The following ZSCAN25 variants were observed in gnomAD, a reference collection of about 807,000 sequenced individuals.
ZSCAN25 encodes zinc finger and SCAN domain containing 25, also known as zinc finger and SCAN domain-containing protein 25.
ZSCAN25 carries 27 observed loss-of-function variants against 38.7 expected under a neutral mutation model. That is an observed-to-expected ratio of 0.70 (90% CI 0.51 to 0.96). The LOEUF (loss-of-function observed/expected upper bound fraction) is 0.96. Among genes scored for constraint, ZSCAN25 ranks in the 40% least tolerant of loss-of-function variants. The pLI, the probability that ZSCAN25 is intolerant of heterozygous loss-of-function variation, is 0.00. For missense variants in ZSCAN25, 637 were observed against 705.9 expected, an observed-to-expected ratio of 0.90 and a Z score of 1.11; for synonymous variants, 273 against 277.7, an observed-to-expected ratio of 0.98 and a Z score of 0.17.
chr7:99,700,027 A>T, the ZSCAN25 span: 8 of 1,609,370 alleles, frequency 5.0e-6, no homozygotes, highest in East Asian at 4.5e-5. Flanking sequence ...ATTTGGGATG[A>T]GGTCCATCGC....
chr7:99,677,663 G>A, the ZSCAN25 span, among the ~76,000 whole-genome samples: 1 of 152,242 alleles, frequency 6.6e-6, no homozygotes, highest in African/African-American at 2.4e-5. Context: ...GGGGCAGCAT[G>A]AGCAGGCCCA....
Position 99,629,779 on chromosome 7 carries a change from A to G in ZSCAN25, c.1394A>G (p.Lys465Arg). Reference protein sequence around the residue: ...GEKPYTCECGKSFSRNANLAV... With the variant: ...GEKPYTCECGRSFSRNANLAV... ...AAGCCCTACACCTGCGAGTGTGGCA[A>G]GAGCTTCAGCAGGAATGCCAATCTG... The change falls in exon 8 of 8, where the codon AAG (lysine) becomes AGG (arginine). Residue 465 changes from lysine to arginine, a missense_variant. By Grantham distance (26) the Lys-to-Arg change is conservative. Transcript: ENST00000394152. The surrounding 1 kb of genome is among the most constrained non-coding windows in gnomAD (Gnocchi z 5.6). 6.2e-7 allele frequency: 1 copy of G among 1,614,238 alleles called. No individual in the cohort carries two copies. The highest frequency in any genetic ancestry group is 8.5e-7 in the Non-Finnish European group (1 of 1,180,036).
chr7:99,628,804 T>C (rs1040642829), intron 7 of ZSCAN25, among the ~76,000 whole-genome samples: 1 of 152,136 alleles, frequency 6.6e-6, no homozygotes, highest in African/African-American at 2.4e-5. Context: ...TCTGGATGAA[T>C]GGAAACAGCA....
At chr7:99,674,588 G>A in the ZSCAN25 span, 1 of 1,612,324 alleles carries the variant, frequency 6.2e-7, no homozygotes, top group East Asian at 2.2e-5. Flanking sequence ...CAGAGACCCT[G>A]GGAGAGGAAA....
the ZSCAN25 span, among the ~76,000 whole-genome samples, chr7:99,734,177 T>C: frequency 3.3e-5 from 5 of 152,344 alleles, no homozygotes; most frequent in Admixed American, 3.3e-4. Flanking sequence ...ATTGCTAACT[T>C]TTCTGTGAAA....
the ZSCAN25 span, among the ~76,000 whole-genome samples, chr7:99,727,614 A>G: frequency 6.6e-6 from 1 of 152,134 alleles, no homozygotes; most frequent in African/African-American, 2.4e-5. Context: ...CCTGAATCAC[A>G]GTTAGTTTAT....
chr7:99,700,875 AG>A, the ZSCAN25 span, among the ~76,000 whole-genome samples: 3 of 152,350 alleles, frequency 2.0e-5, no homozygotes, highest in East Asian at 5.8e-4. Flanking sequence ...AGATGCAGCC[AG>A]CACTGTTTCC....
the ZSCAN25 span, among the ~76,000 whole-genome samples, chr7:99,642,592 A>G: frequency 2.0e-5 from 3 of 152,356 alleles, no homozygotes; most frequent in East Asian, 5.8e-4. Context: ...GTTTTTAGCC[A>G]CTAAGTATGA....
the ZSCAN25 span, among the ~76,000 whole-genome samples, chr7:99,677,907 T>C: frequency 6.6e-6 from 1 of 152,322 alleles, no homozygotes; most frequent in South Asian, 2.1e-4. Flanking sequence ...AGGAAAGATC[T>C]TGGTGAGTGT....
At chr7:99,721,144 CA>C in the ZSCAN25 span, among the ~76,000 whole-genome samples, 1 of 152,216 alleles carries the variant, frequency 6.6e-6, no homozygotes, top group African/African-American at 2.4e-5. Flanking sequence ...CACAGTCCAT[CA>C]GCCCACCAGG....
At chr7:99,650,447 G>A in the ZSCAN25 span, among the ~76,000 whole-genome samples, 7 of 152,070 alleles carry the variant, frequency 4.6e-5, no homozygotes, top group South Asian at 2.1e-4. Context: ...CTATAGGAGC[G>A]TTTCTTGAGA....
chr7:99,714,774 A>G, the ZSCAN25 span: 1 of 1,562,088 alleles, frequency 6.4e-7, no homozygotes, highest in East Asian at 2.3e-5. Flanking sequence ...CAATCAGAAG[A>G]GTGAAATACA....
chr7:99,687,351 A>G, the ZSCAN25 span, among the ~76,000 whole-genome samples: 3 of 152,230 alleles, frequency 2.0e-5, no homozygotes, highest in African/African-American at 7.2e-5. Context: ...CTGAAGGCCA[A>G]GGATTGAGAA....
At chr7:99,737,863 T>C in the ZSCAN25 span, among the ~76,000 whole-genome samples, 5 of 152,240 alleles carry the variant, frequency 3.3e-5, no homozygotes, top group Non-Finnish European at 5.9e-5. Flanking sequence ...ATTGAAGGCA[T>C]GTTCTGCCAC....
At chr7:99,735,012 C>T in the ZSCAN25 span, 3 of 1,614,076 alleles carry the variant, frequency 1.9e-6, no homozygotes, top group African/African-American at 2.7e-5. Context: ...GGAGCCTGAA[C>T]AGTTACTCAC....
At chr7:99,737,426 C>CCATCT in the ZSCAN25 span, among the ~76,000 whole-genome samples, 1 of 152,086 alleles carries the variant, frequency 6.6e-6, no homozygotes, top group Non-Finnish European at 1.5e-5. Context: ...ACAAAGGACT[C>CCATCT]CATCTCAGCA....
chr7:99,711,111 C>T, the ZSCAN25 span, among the ~76,000 whole-genome samples: 25 of 152,294 alleles, frequency 1.6e-4, no homozygotes, highest in South Asian at 3.3e-3. Context: ...TCTTCAAGAA[C>T]GTAGACCATC....
the ZSCAN25 span, chr7:99,663,278 G>C: frequency 1.0e-6 from 1 of 1,002,646 alleles, no homozygotes; most frequent in Non-Finnish European, 1.2e-6. Flanking sequence ...TTAATCTCCT[G>C]ACATTTCCAG....
the ZSCAN25 span, among the ~76,000 whole-genome samples, chr7:99,677,657 C>A: frequency 1.3e-5 from 2 of 152,194 alleles, no homozygotes; most frequent in Non-Finnish European, 2.9e-5. Flanking sequence ...TCAGCAGGGG[C>A]AGCATGAGCA....
Sources: gnomAD v4.1 joint callset for allele counts (sites outside exome capture counted in the v4.1 genomes callset) on GRCh38, gnomAD v4.1.1 for gene constraint, Gnocchi (gnomAD v3.1) non-coding constraint, MANE v1.5 for transcripts, NCBI Gene and HGNC (gene_info 2026-07-23, HGNC 2026-07-21) for gene names.